Variants in PCNX1 observed in about 807,000 individuals in gnomAD.
The protein encoded by PCNX1 is pecanex-like protein 1.
A neutral mutation model predicts 242.2 loss-of-function variants in PCNX1; 78 were observed. That is an observed-to-expected ratio of 0.32 (90% CI 0.27 to 0.39). PCNX1 has a LOEUF of 0.39. PCNX1 is among the 10% of genes least tolerant of loss of function. The probability of loss-of-function intolerance (pLI) is 1.00; values close to 1 mark genes in which losing one functional copy is unlikely to be tolerated. For missense variants in PCNX1, 2,581 were observed against 2,856.5 expected (o/e 0.90, Z 2.20); for synonymous variants, 1,024 against 1,032.9 (o/e 0.99, Z 0.17).
At chr14:70,968,687 T>A (rs951547490) in intron 4 of PCNX1, among the ~76,000 whole-genome samples, 1 of 152,226 alleles carries the variant, frequency 6.6e-6, no homozygotes, top group African/African-American at 2.4e-5. Context: ...TTAATAATTT[T>A]CCCTGGGAAG....
At chr14:70,932,824 C>T (rs550198571) in intron 1 of PCNX1, among the ~76,000 whole-genome samples, 2 of 152,034 alleles carry the variant, frequency 1.3e-5, no homozygotes, top group Admixed American at 1.3e-4. Context: ...GTTGGTCAGG[C>T]TGGTCTCGAA....
At chr14:70,946,714 A>T (rs1332541325) in intron 1 of PCNX1, among the ~76,000 whole-genome samples, 1 of 152,172 alleles carries the variant, frequency 6.6e-6, no homozygotes, top group African/African-American at 2.4e-5. Context: ...CAAACTAGCC[A>T]TATTTCAGTT....
rs144588449 is a variant in PCNX1, at chr14:70,914,262, G to A, written c.153+6259G>A. Among the ~76,000 whole-genome samples the A allele has an allele frequency of 2.0e-3, 310 of 152,236 alleles. 1 individual carries two copies. The highest frequency in any genetic ancestry group is 3.4e-3 in the Non-Finnish European group (232 of 68,016). On this transcript the variant is annotated intron_variant, in intron 1 of 35. Coordinates refer to ENST00000304743, the MANE Select transcript of PCNX1 (RefSeq NM_014982.3). Reference sequence around the variant, plus strand: ...CACTACTTGGGTGACAGGATCATTAGAAGCCAAACCTCAGCATCACTTAAT... The same window carrying A: ...CACTACTTGGGTGACAGGATCATTAAAAGCCAAACCTCAGCATCACTTAAT...
In PCNX1 at chr14:70,962,234, G is replaced by T. The variant is rs781158937; in HGVS notation, c.371G>T (p.Gly124Val). The change falls in exon 3 of 36, where the codon GGT becomes GTT. Residue 124 changes from glycine (G) to valine (V), a missense_variant. By Grantham distance (109) the Gly-to-Val change is moderately radical. Transcript: ENST00000304743. ...CATTTTTTTCTCCACAGTGATCCTGGTGGAGGGATTGAAATGTCTGAGTTC... is the reference window on the plus strand; with the variant it reads ...CATTTTTTTCTCCACAGTGATCCTGTTGGAGGGATTGAAATGTCTGAGTTC... ...RKDSNGPSDP[G>V]GGIEMSEFIR... 1 of 1,602,810 alleles carries T rather than the reference G, an allele frequency of 6.2e-7. No homozygotes were observed. Among genetic ancestry groups the T allele is most frequent in the South Asian group, 1.1e-5 (1 of 90,854 alleles).
chr14:70,923,460 G>C (rs766464254), intron 1 of PCNX1, among the ~76,000 whole-genome samples: 2 of 152,024 alleles, frequency 1.3e-5, no homozygotes, highest in Admixed American at 1.3e-4. Context: ...AAATTTGCAT[G>C]ATTAAAAACC....
At chr14:70,994,396 GAT>G (rs35068772) in intron 7 of PCNX1, among the ~76,000 whole-genome samples, 4,933 of 96,804 alleles carry the variant, frequency 0.051, 215 homozygotes, top group African/African-American at 0.075. Flanking sequence ...ACAGGCTTAA[GAT>G]ATATATATAT....
At chr14:70,999,281 A>G (rs1449581378) in intron 8 of PCNX1, among the ~76,000 whole-genome samples, 2 of 152,206 alleles carry the variant, frequency 1.3e-5, no homozygotes, top group South Asian at 2.1e-4. Context: ...TTGTAACACA[A>G]CATCTCAAAC....
At chr14:70,957,270 G>T (rs1013817799) in intron 2 of PCNX1, among the ~76,000 whole-genome samples, 3 of 152,082 alleles carry the variant, frequency 2.0e-5, no homozygotes, top group African/African-American at 7.2e-5. Flanking sequence ...TTACAGGCAT[G>T]AACCACACAC....
chr14:70,908,378 G>T (rs899834395), intron 1 of PCNX1, among the ~76,000 whole-genome samples: 3 of 152,056 alleles, frequency 2.0e-5, no homozygotes, highest in Admixed American at 2.0e-4. Flanking sequence ...AGGGGACGCC[G>T]CATCCATCCT....
At chr14:70,974,064 GTTTT>G (rs544807552) in intron 5 of PCNX1, among the ~76,000 whole-genome samples, 1 of 140,514 alleles carries the variant, frequency 7.1e-6, no homozygotes, top group Non-Finnish European at 1.6e-5. Context: ...ATTATATGTG[GTTTT>G]TTTTTTTTTA....
chr14:70,977,009 C>T lies in PCNX1; in HGVS notation c.672C>T (p.Ser224=). The part of the protein sequence containing the change: ...SNDSFISIQP[S]LSSCGQDLPR... ...ACTCCTTCATCTCTATTCAGCCTTC[C>T]TTATCCTCTTGTGGACAGGACTTGC... The change falls in exon 6 of 36, where the codon TCC becomes TCT. Residue 224 remains serine (S), a synonymous_variant. Coordinates refer to ENST00000304743, the MANE Select transcript of PCNX1 (RefSeq NM_014982.3). 1.2e-6 allele frequency: 2 copies of T among 1,614,114 alleles called. No homozygotes were observed. The highest frequency in any genetic ancestry group is 1.7e-6 in the Non-Finnish European group (2 of 1,180,006).
chr14:71,048,420 T>C (rs887548870), intron 22 of PCNX1, among the ~76,000 whole-genome samples: 2 of 152,182 alleles, frequency 1.3e-5, no homozygotes, highest in African/African-American at 4.8e-5. Context: ...CTCTGAACTT[T>C]ATAGGCTTCT....
intron 2 of PCNX1, among the ~76,000 whole-genome samples, chr14:70,960,530 G>A (rs1461217354): frequency 6.6e-6 from 1 of 152,058 alleles, no homozygotes; most frequent in African/African-American, 2.4e-5. Flanking sequence ...AATAATAAGA[G>A]CTATCTATGA....
chr14:71,045,748 T>G (rs532521212), intron 20 of PCNX1, among the ~76,000 whole-genome samples: 56 of 152,274 alleles, frequency 3.7e-4, no homozygotes, highest in African/African-American at 1.3e-3. Flanking sequence ...CAGAGAAAAG[T>G]GTAAAAGAGT....
intron 1 of PCNX1, among the ~76,000 whole-genome samples, chr14:70,908,730 G>A (rs2055690695): frequency 6.6e-6 from 1 of 152,260 alleles, no homozygotes; most frequent in African/African-American, 2.4e-5. Context: ...GGGAGATAAC[G>A]GGGAATCTGG....
intron 8 of PCNX1, among the ~76,000 whole-genome samples, chr14:71,006,599 G>A (rs1428938760): frequency 2.6e-5 from 4 of 152,064 alleles, no homozygotes; most frequent in East Asian, 3.8e-4. Flanking sequence ...TAAAATAGGG[G>A]TATTGTAACG....
At chr14:71,032,047 A>T in intron 16 of PCNX1, 1 of 757,432 alleles carries the variant, frequency 1.3e-6, no homozygotes. Context: ...GAGTGGAAAG[A>T]TTAATAGACA....
At chr14:70,966,897 C>T (rs761299889) in intron 3 of PCNX1, among the ~76,000 whole-genome samples, 10 of 152,056 alleles carry the variant, frequency 6.6e-5, no homozygotes, top group Admixed American at 1.3e-4. Flanking sequence ...GAAACTTTTG[C>T]GATAAAATGC....
rs111318312 is a variant in PCNX1 at position 71,022,850 on chromosome 14, C to A, written c.3151-350C>A. On this transcript the variant is annotated intron_variant, in intron 12 of 35. Coordinates refer to ENST00000304743, the MANE Select transcript of PCNX1 (RefSeq NM_014982.3). ...AATGAATGATGTCCTGTGAGAAATA[C>A]TATACTTGTATTTAGTATACCTTAA... 8.4e-3 allele frequency among the ~76,000 whole-genome samples: 1,281 copies of A among 152,174 alleles called. 10 individuals carry two copies. Among genetic ancestry groups the A allele is most frequent in the African/African-American group, 0.029 (1,207 of 41,512 alleles).
Sources: allele counts gnomAD v4.1 joint callset (sites outside exome capture counted in the v4.1 genomes callset), GRCh38; gene constraint gnomAD v4.1.1; transcripts MANE v1.5; gene names NCBI Gene and HGNC (gene_info 2026-07-23, HGNC 2026-07-21).